DNAAF4: variants seen among roughly 807,000 people sequenced by gnomAD.
DNAAF4 encodes the protein dynein assembly factor 4, axonemal.
DNAAF4 carries 43 observed loss-of-function variants against 51.8 expected under a neutral mutation model. That is an observed-to-expected ratio of 0.83 (90% CI 0.65 to 1.07). The LOEUF (loss-of-function observed/expected upper bound fraction) is 1.07, where lower values mean the gene tolerates loss of function less well. Among genes scored for constraint, DNAAF4 ranks in the 50% least tolerant of loss-of-function variants. The pLI is 0.00. For missense variants in DNAAF4, 581 were observed against 493.0 expected (o/e 1.18, Z -1.69); for synonymous variants, 194 against 165.6 (o/e 1.17, Z -1.32).
At chr15:55,454,913 C>T (rs2057994129) in intron 5 of DNAAF4, among the ~76,000 whole-genome samples, 1 of 151,792 alleles carries the variant, frequency 6.6e-6, no homozygotes, top group African/African-American at 2.4e-5. Context: ...TATACTTCAT[C>T]CTGGGTGACA....
intron 3 of DNAAF4, among the ~76,000 whole-genome samples, chr15:55,492,035 T>G (rs992099465): frequency 1.3e-5 from 2 of 151,330 alleles, no homozygotes; most frequent in Admixed American, 1.3e-4. Flanking sequence ...TTTTAAATTT[T>G]ATGTAGAGAC....
At chr15:55,440,669 A>G (rs1174471666) in intron 6 of DNAAF4, among the ~76,000 whole-genome samples, 1 of 119,310 alleles carries the variant, frequency 8.4e-6, no homozygotes, top group East Asian at 2.6e-4. Flanking sequence ...ACCTGGCCAT[A>G]TTTATACATT....
intron 8 of DNAAF4, among the ~76,000 whole-genome samples, chr15:55,433,941 A>ATAT (rs1567000612): frequency 0.14 from 4,713 of 33,122 alleles, 637 homozygotes; most frequent in African/African-American, 0.26. Flanking sequence ...TATAAAATAT[A>ATAT]TATAATATAT....
At chr15:55,497,280 A>G (rs12594443) in intron 3 of DNAAF4, among the ~76,000 whole-genome samples, 7,664 of 152,154 alleles carry the variant, frequency 0.05, 268 homozygotes, top group East Asian at 0.15. Context: ...AGACCCAGCT[A>G]TTGAACCTTG....
At chr15:55,436,180 T>G (rs2057606957) in intron 7 of DNAAF4, among the ~76,000 whole-genome samples, 1 of 152,210 alleles carries the variant, frequency 6.6e-6, no homozygotes, top group African/African-American at 2.4e-5. Flanking sequence ...TTCTAATTTC[T>G]CCACATCCTC....
rs927273430 is a variant in DNAAF4 at position 55,497,849 on chromosome 15, G to A, written c.134C>T (p.Pro45Leu). The A allele has an allele frequency of 3.7e-6, 6 of 1,610,688 alleles. No individual in the cohort carries two copies. Among genetic ancestry groups the A allele is most frequent in the Non-Finnish European group, 5.1e-6 (6 of 1,178,996 alleles). Residue 45 changes from proline (P) to leucine (L), a missense_variant, in exon 3 of 10, where the codon CCT (proline) becomes CTT (leucine). Transcript: ENST00000321149. ...AAGAAATGCCTCAAATAAAAATGGA[G>A]GAAAGTTGACCTATGCAGAAGGGTG... The part of the protein sequence containing the change: ...CTENYLKVNF[P>L]PFLFEAFLYA...
chr15:55,484,073 CA>C (rs941121775), intron 4 of DNAAF4, among the ~76,000 whole-genome samples: 8 of 151,728 alleles, frequency 5.3e-5, no homozygotes, highest in Non-Finnish European at 8.8e-5. Context: ...TGGCTACTCT[CA>C]AAAAACCAAA....
At position 55,492,482 on chromosome 15, in the gene DNAAF4, G is replaced by T. The variant is rs575336357; in HGVS notation, c.272-1226C>A. Among the ~76,000 whole-genome samples, 15 of 151,966 alleles carry T rather than the reference G, an allele frequency of 9.9e-5. 1 individual carries two copies. Among genetic ancestry groups the T allele is most frequent in the Non-Finnish European group, 2.1e-4 (14 of 67,954 alleles). On this transcript the variant is annotated intron_variant, in intron 3 of 9. Transcript: ENST00000321149. ...AAAATGTATGAAATAAAATATACAG[G>T]TCTACAAAGAAACTCAGTTATATCA...
intron 1 of DNAAF4, among the ~76,000 whole-genome samples, chr15:55,500,992 C>CA (rs111778667): frequency 0.022 from 1,444 of 65,708 alleles, 11 homozygotes; most frequent in East Asian, 0.029. Flanking sequence ...AACTGAGTCT[C>CA]AAAAAAAAAA....
intron 3 of DNAAF4, chr15:55,495,314 T>C (rs2058626692): frequency 6.6e-6 from 1 of 152,110 alleles, no homozygotes; most frequent in African/African-American, 2.4e-5. Context: ...AAATTCTACC[T>C]TGGTCTTGGA....
intron 3 of DNAAF4, among the ~76,000 whole-genome samples, chr15:55,494,873 G>C (rs963980028): frequency 3.9e-5 from 6 of 151,990 alleles, no homozygotes; most frequent in African/African-American, 1.5e-4. Context: ...ACATTTTGTG[G>C]CATTTAAAAA....
downstream of DNAAF4, among the ~76,000 whole-genome samples, chr15:55,428,545 A>T (rs1271303376): frequency 2.7e-5 from 3 of 112,378 alleles, no homozygotes; most frequent in African/African-American, 1.1e-4. Context: ...CCCAGGTTGG[A>T]GTACAGTGGC....
intron 8 of DNAAF4, 53 bp downstream of exon 8, chr15:55,434,852 A>G: frequency 7.4e-7 from 1 of 1,349,122 alleles, no homozygotes; most frequent in Non-Finnish European, 9.8e-7. Context: ...ATTTAAACCA[A>G]TTAATAGAAG....
At chr15:55,439,739 A>C (rs1003849846) in intron 6 of DNAAF4, among the ~76,000 whole-genome samples, 158 bp from the exon 7 acceptor site, 3 of 152,156 alleles carry the variant, frequency 2.0e-5, no homozygotes, top group African/African-American at 7.2e-5. Flanking sequence ...GATATACTGA[A>C]GCCATAACCA....
chr15:55,445,442 C>T (rs545840743), intron 6 of DNAAF4, among the ~76,000 whole-genome samples: 133 of 152,216 alleles, frequency 8.7e-4, no homozygotes, highest in African/African-American at 3.1e-3. Flanking sequence ...CTACTTCTTT[C>T]TACACAGACA....
rs558224601 is a variant in DNAAF4 at position 55,507,787 on chromosome 15, G to C, written c.-256+335C>G. Among the ~76,000 whole-genome samples, 3 of 151,942 alleles carry C rather than the reference G, an allele frequency of 2.0e-5. No homozygotes were observed. In the East Asian group the frequency reaches 5.8e-4, roughly 29 times the overall value. On this transcript the variant is annotated intron_variant, in intron 1 of 9. Coordinates refer to ENST00000321149, the MANE Select transcript of DNAAF4 (RefSeq NM_130810.4). ...TGAGGCCAGGAGTTCAGGTTACAGTGGACTATGATTATGCCACTGCACTCT... is the reference window on the plus strand; with the variant it reads ...TGAGGCCAGGAGTTCAGGTTACAGTCGACTATGATTATGCCACTGCACTCT...
Position 55,498,213 on chromosome 15 carries a change from A to G in DNAAF4, c.117T>C (p.Tyr39=), listed in dbSNP as rs754856547. Residue 39 remains tyrosine, a synonymous_variant, in exon 2 of 10, where the codon TAT becomes TAC. Transcript: ENST00000321149. ...RDTDVFCTEN[Y]LKVNFPPFLF... is the part of the protein sequence containing the mutation. ...GCAAGACTTGCATTCTTACCTTCAG[A>G]TAGTTTTCCGTGCAGAACACGTCCG... 1.9e-6 allele frequency: 3 copies of G among 1,613,840 alleles called. No individual in the cohort carries two copies. Among genetic ancestry groups the G allele is most frequent in the South Asian group, 2.2e-5 (2 of 91,030 alleles).
At chr15:55,429,571 A>G (rs2057466683), downstream of DNAAF4, among the ~76,000 whole-genome samples, 1 of 151,304 alleles carries the variant, frequency 6.6e-6, no homozygotes, top group Non-Finnish European at 1.5e-5. Context: ...GTAATCCAGC[A>G]CTTTGGGAGG....
intron 5 of DNAAF4, among the ~76,000 whole-genome samples, chr15:55,457,435 A>T (rs1595915748): frequency 1.3e-5 from 2 of 151,890 alleles, no homozygotes; most frequent in East Asian, 3.9e-4. Context: ...GACCCAACTA[A>T]CCTTGCCCCC....
Sources: allele counts gnomAD v4.1 joint callset (sites outside exome capture counted in the v4.1 genomes callset), GRCh38; gene constraint gnomAD v4.1.1; transcripts MANE v1.5; gene names NCBI Gene and HGNC (gene_info 2026-07-23, HGNC 2026-07-21).